FUT9: variants seen among roughly 807,000 people sequenced by gnomAD.
FUT9 encodes the protein 4-galactosyl-N-acetylglucosaminide 3-alpha-L-fucosyltransferase 9.
Under a neutral mutation model 29.7 loss-of-function variants are expected in FUT9, and 15 were observed. That is an observed-to-expected ratio of 0.51 (90% CI 0.34 to 0.78). The LOEUF (loss-of-function observed/expected upper bound fraction) is 0.78, where lower values mean the gene tolerates loss of function less well. Ranked by LOEUF, FUT9 falls within the 30% of genes least tolerant of loss-of-function variation. The pLI, the probability that FUT9 is intolerant of heterozygous loss-of-function variation, is 0.01. For missense variants in FUT9, 319 were observed against 425.4 expected (o/e 0.75, Z 2.20); for synonymous variants, 169 against 153.7 (o/e 1.10, Z -0.74).
intron 2 of FUT9, among the ~76,000 whole-genome samples, chr6:96,149,485 C>A (rs947387981): frequency 6.6e-6 from 1 of 152,152 alleles, no homozygotes; most frequent in Non-Finnish European, 1.5e-5. Context: ...CTCAGTATAA[C>A]CCTTCTAGAG....
intron 1 of FUT9, among the ~76,000 whole-genome samples, chr6:96,039,748 C>T (rs868844597): frequency 6.6e-6 from 1 of 152,070 alleles, no homozygotes; most frequent in African/African-American, 2.4e-5. Context: ...GGACAGAGAC[C>T]TTATCTATCT....
At chr6:96,075,468 A>T (rs892173189) in intron 1 of FUT9, among the ~76,000 whole-genome samples, 1 of 152,180 alleles carries the variant, frequency 6.6e-6, no homozygotes, top group Non-Finnish European at 1.5e-5. Flanking sequence ...CACTTTCCTG[A>T]CAAATATATA....
At chr6:96,069,756 C>T (rs1771026543) in intron 1 of FUT9, among the ~76,000 whole-genome samples, 1 of 151,894 alleles carries the variant, frequency 6.6e-6, no homozygotes, top group Non-Finnish European at 1.5e-5. Context: ...CTCAGCCTCC[C>T]TAGTAGCCGA....
At chr6:96,110,498 G>A (rs950601389) in intron 1 of FUT9, among the ~76,000 whole-genome samples, 5 of 152,092 alleles carry the variant, frequency 3.3e-5, no homozygotes, top group Non-Finnish European at 5.9e-5. Flanking sequence ...AAAACCCTGA[G>A]CATCCCCTCA....
At chr6:96,124,135 T>C (rs964650452) in intron 2 of FUT9, among the ~76,000 whole-genome samples, 4 of 148,096 alleles carry the variant, frequency 2.7e-5, no homozygotes, top group African/African-American at 7.5e-5. Flanking sequence ...TAAGGCTGCT[T>C]TTCTTTTTTT....
At chr6:96,124,197 G>C (rs1344488049) in intron 2 of FUT9, among the ~76,000 whole-genome samples, 1 of 146,374 alleles carries the variant, frequency 6.8e-6, no homozygotes, top group Non-Finnish European at 1.5e-5. Flanking sequence ...TGTCGCCCAG[G>C]CTGGAGTGCA....
intron 1 of FUT9, among the ~76,000 whole-genome samples, chr6:96,017,113 C>T (rs1769994449): frequency 6.6e-6 from 1 of 152,214 alleles, no homozygotes; most frequent in Middle Eastern, 3.2e-3. Context: ...CTATCAAAAG[C>T]TCAGCAACTC....
chr6:96,109,418 A>G (rs1033141497), intron 1 of FUT9, among the ~76,000 whole-genome samples: 1 of 152,196 alleles, frequency 6.6e-6, no homozygotes, highest in African/African-American at 2.4e-5. Context: ...GTGTCTCCAT[A>G]TTCTTCATCT....
At chr6:96,190,693 T>C (rs1773490119) in intron 2 of FUT9, among the ~76,000 whole-genome samples, 1 of 152,220 alleles carries the variant, frequency 6.6e-6, no homozygotes, top group South Asian at 2.1e-4. Flanking sequence ...TTCCAGTTGA[T>C]CAAATCAGCT....
intron 1 of FUT9, among the ~76,000 whole-genome samples, chr6:96,016,855 C>T (rs1204192842): frequency 1.3e-5 from 2 of 152,186 alleles, no homozygotes; most frequent in African/African-American, 4.8e-5. Flanking sequence ...AGCACCTGGG[C>T]TGTTAAGGGT....
At chr6:96,089,418 C>T (rs939031969) in intron 1 of FUT9, among the ~76,000 whole-genome samples, 2 of 152,186 alleles carry the variant, frequency 1.3e-5, no homozygotes, top group South Asian at 4.1e-4. Flanking sequence ...TGTCAGGAAT[C>T]TGGGGAAGTT....
intron 1 of FUT9, among the ~76,000 whole-genome samples, chr6:96,113,145 T>C (rs963829987): frequency 6.6e-6 from 1 of 152,192 alleles, no homozygotes; most frequent in Non-Finnish European, 1.5e-5. Flanking sequence ...TATCGAGATA[T>C]CTTATACTCA....
At chr6:96,114,008 A>C (rs1771865280) in intron 1 of FUT9, 31 bp from the exon 2 acceptor site, 2 of 152,202 alleles carry the variant, frequency 1.3e-5, no homozygotes, top group African/African-American at 4.8e-5. Flanking sequence ...GCATTTAACT[A>C]ACATACTACT....
chr6:96,107,180 G>A (rs556011926), intron 1 of FUT9, among the ~76,000 whole-genome samples: 3 of 152,076 alleles, frequency 2.0e-5, no homozygotes, highest in South Asian at 2.1e-4. Context: ...TGCATCCACC[G>A]TATTCCATAA....
intron 1 of FUT9, among the ~76,000 whole-genome samples, chr6:96,062,604 T>C (rs1259204089): frequency 2.0e-5 from 3 of 152,096 alleles, no homozygotes; most frequent in Non-Finnish European, 2.9e-5. Flanking sequence ...AATAGATATA[T>C]AGATAATAGG....
chr6:96,063,351 T>G (rs1582204042), intron 1 of FUT9, among the ~76,000 whole-genome samples: 1 of 152,028 alleles, frequency 6.6e-6, no homozygotes, highest in East Asian at 1.9e-4. Context: ...TCAGGAAGCT[T>G]ACAATCATGG....
At chr6:96,196,395 C>CA (rs1773624881) in intron 2 of FUT9, among the ~76,000 whole-genome samples, 1 of 151,956 alleles carries the variant, frequency 6.6e-6, no homozygotes, top group African/African-American at 2.4e-5. Context: ...TGTGATTGGG[C>CA]AAAAATGATC....
intron 1 of FUT9, among the ~76,000 whole-genome samples, chr6:96,113,010 T>A (rs765051542): frequency 6.6e-6 from 1 of 152,182 alleles, no homozygotes; most frequent in East Asian, 1.9e-4. Context: ...AATTATTTGA[T>A]CTTTATATTT....
chr6:96,107,024 T>G (rs571665108), intron 1 of FUT9, among the ~76,000 whole-genome samples: 12 of 152,202 alleles, frequency 7.9e-5, no homozygotes, highest in African/African-American at 2.9e-4. Context: ...AATATATGCG[T>G]ACCTATAGGA....
Sources: allele counts gnomAD v4.1 joint callset (sites outside exome capture counted in the v4.1 genomes callset), GRCh38; gene constraint gnomAD v4.1.1; transcripts MANE v1.5; gene names NCBI Gene and HGNC (gene_info 2026-07-23, HGNC 2026-07-21).